The following MYO18B variants were observed in gnomAD, a reference collection of about 807,000 sequenced individuals.
MYO18B encodes unconventional myosin-XVIIIb.
MYO18B carries 204 observed loss-of-function variants against 273.0 expected under a neutral mutation model. The ratio of observed to expected loss-of-function variants is 0.75; its 90% CI spans 0.67 to 0.84. MYO18B has a LOEUF of 0.84. Among genes scored for constraint, MYO18B ranks in the 40% least tolerant of loss-of-function variants. The pLI, the probability that MYO18B is intolerant of heterozygous loss-of-function variation, is 0.00. For missense variants in MYO18B, 3,212 were observed against 3,287.6 expected, an observed-to-expected ratio of 0.98 and a Z score of 0.56; for synonymous variants, 1,330 against 1,305.7, an observed-to-expected ratio of 1.02 and a Z score of -0.40.
At chr22:25,982,084 A>G (rs2093154600) in intron 39 of MYO18B, among the ~76,000 whole-genome samples, 1 of 152,122 alleles carries the variant, frequency 6.6e-6, no homozygotes, top group Admixed American at 6.5e-5. Context: ...GTGCTACCAG[A>G]TCTTATGAGA....
chr22:25,755,702 C>A (rs777395999), intron 1 of MYO18B, among the ~76,000 whole-genome samples: 1 of 152,164 alleles, frequency 6.6e-6, no homozygotes, highest in African/African-American at 2.4e-5. Context: ...TATTTGTTCA[C>A]GGGACAGCTG....
intron 39 of MYO18B, among the ~76,000 whole-genome samples, chr22:25,977,285 CTGTATT>C (rs55633196): frequency 0.067 from 9,588 of 143,898 alleles, 464 homozygotes; most frequent in African/African-American, 0.13. Context: ...TTTCCAACTC[CTGTATT>C]TGTATTTGTA....
rs374325530 is a variant in MYO18B, at chr22:25,992,372, G to A, written c.6166G>A (p.Val2056Met). Residue 2056 changes from valine (V) to methionine (M), a missense_variant, in exon 40 of 44, where the codon GTG becomes ATG. Coordinates refer to ENST00000335473, the MANE Select transcript of MYO18B (RefSeq NM_032608.7). ...CATCTTCTGTCCCCAGGAGAAGTAC[G>A]TGGAGGAACTTGCAGCAGTGAGGCA... is the stretch of plus-strand genomic sequence containing the variant. ...SRRCMELEKY[V>M]EELAAVRQTL... is the part of the protein sequence containing the mutation. 62 of 1,613,876 alleles carry A rather than the reference G, an allele frequency of 3.8e-5. No homozygotes were observed. Among genetic ancestry groups the A allele is most frequent in the Non-Finnish European group, 4.3e-5 (51 of 1,179,856 alleles).
intron 39 of MYO18B, among the ~76,000 whole-genome samples, chr22:25,991,833 T>C (rs993003580): frequency 1.3e-5 from 2 of 152,224 alleles, no homozygotes; most frequent in African/African-American, 2.4e-5. Context: ...TTGCCTGTTC[T>C]GGAGGGAGCC....
rs756559353 is a variant in MYO18B, at chr22:25,992,454, C to T, written c.6248C>T (p.Ala2083Val). The change falls in exon 40 of 44, where the codon GCC (alanine) becomes GTC (valine). Residue 2083 changes from alanine (A) to valine (V), a missense_variant. Physicochemically the swap from Ala to Val is moderately conservative, Grantham distance 64. Transcript: ENST00000335473. ...SIRRIADLQAALEEVASSDSD... is the reference protein window; with the variant it reads ...SIRRIADLQAVLEEVASSDSD... ...CGGCGGATTGCCGACCTGCAGGCTG[C>T]CTTGGAAGAAGTGGCATCCAGTGAC... 5 of 1,613,962 alleles carry T rather than the reference C, an allele frequency of 3.1e-6. No individual in the cohort carries two copies. In the East Asian group the frequency reaches 1.1e-4, roughly 36 times the overall value.
chr22:25,960,263 C>T (rs897385612), intron 39 of MYO18B, among the ~76,000 whole-genome samples: 3 of 152,078 alleles, frequency 2.0e-5, no homozygotes, highest in Non-Finnish European at 2.9e-5. Flanking sequence ...GTCATTAGAG[C>T]GATGAAGCAA....
rs552462614 is a variant in MYO18B at position 25,761,008 on chromosome 22, G to C, written c.-85G>C. ...GTTCTGTGTCCATCTCATGTGCTGC[G>C]TGTGTCTGTAAAGCCTCATTCCGTG... is the stretch of plus-strand genomic sequence containing the variant. On this transcript the variant is annotated 5_prime_UTR_variant, in exon 2 of 44. Coordinates refer to ENST00000335473, the MANE Select transcript of MYO18B (RefSeq NM_032608.7). 3 of 1,418,818 alleles carry C rather than the reference G, an allele frequency of 2.1e-6. No homozygotes were observed. Among genetic ancestry groups the C allele is most frequent in the Non-Finnish European group, 3.0e-6 (3 of 1,007,000 alleles). The allele number at this position is 1,418,818 out of a possible 1,614,324, so 87.9% of individuals were successfully genotyped here. A position where few individuals can be genotyped will look rare whatever the true frequency, so the allele number is the denominator to read the frequency against.
At chr22:26,001,347 C>T (rs1389435978) in intron 40 of MYO18B, among the ~76,000 whole-genome samples, 1 of 152,178 alleles carries the variant, frequency 6.6e-6, no homozygotes, top group African/African-American at 2.4e-5. Flanking sequence ...ATAGATGGCG[C>T]AGCACCTAGG....
chr22:25,921,738 G>A (rs1307972503), intron 34 of MYO18B, among the ~76,000 whole-genome samples: 1 of 140,434 alleles, frequency 7.1e-6, no homozygotes, highest in Non-Finnish European at 1.5e-5. Context: ...GTGTGTGTGT[G>A]TGTATGTGTA....
chr22:26,057,798 C>T, the MYO18B span, among the ~76,000 whole-genome samples: 1 of 152,154 alleles, frequency 6.6e-6, no homozygotes, highest in African/African-American at 2.4e-5. Flanking sequence ...AGCAGTAACA[C>T]TAATTTTAAA....
Position 25,911,047 on chromosome 22 carries a change from C to G in MYO18B, c.5361C>G (p.Asp1787Glu). ...AAGGCTTGATCGGAACCCTCTGTGA[C>G]CAGGTAAGGGGGAGACATTGGCAGA... ...DLEGLIGTLC[D>E]QIGHRDFDVE... is the part of the protein sequence containing the mutation. The change falls in exon 33 of 44, where the codon GAC becomes GAG. Residue 1787 changes from aspartate to glutamate, a missense_variant. Transcript: ENST00000335473. 6.3e-7 allele frequency: 1 copy of G among 1,599,032 alleles called. No individual in the cohort carries two copies. The highest frequency in any genetic ancestry group is 8.5e-7 in the Non-Finnish European group (1 of 1,172,262).
In MYO18B at chr22:25,997,320, A is replaced by AAAC. The variant is rs1555984586; in HGVS notation, c.6287+4829_6287+4830insCAA. Among the ~76,000 whole-genome samples the AAAC allele has an allele frequency of 2.0e-3, 301 of 150,024 alleles. 10 individuals are homozygous for AAAC. Among genetic ancestry groups the AAAC allele is most frequent in the African/African-American group, 6.9e-3 (280 of 40,320 alleles). ...ACTCTGTCGCCAAAAAAAAAAAAAA[A>AAAC]AAAAAAAAAACGAAGGAAAAAAGAA... On this transcript the variant is annotated intron_variant, in intron 40 of 43. Transcript: ENST00000335473.
chr22:25,912,190 G>A (rs1003942759), intron 33 of MYO18B, among the ~76,000 whole-genome samples: 3 of 152,172 alleles, frequency 2.0e-5, no homozygotes, highest in African/African-American at 4.8e-5. Flanking sequence ...AGGGACACAC[G>A]CGGCAAGAGT....
intron 18 of MYO18B, among the ~76,000 whole-genome samples, chr22:25,845,631 C>A (rs545797712): frequency 1.3e-5 from 2 of 152,326 alleles, no homozygotes; most frequent in South Asian, 4.1e-4. Flanking sequence ...AGGTATCAGG[C>A]TGGGTATTTA....
At chr22:25,914,841 C>T (rs781084370) in intron 33 of MYO18B, among the ~76,000 whole-genome samples, 1 of 151,402 alleles carries the variant, frequency 6.6e-6, no homozygotes, top group South Asian at 2.1e-4. Flanking sequence ...GGACTACAGG[C>T]GCCTGCCACC....
intron 4 of MYO18B, 105 bp from the exon 5 acceptor site, chr22:25,770,005 C>G (rs1601639156): frequency 8.6e-7 from 1 of 1,165,340 alleles, no homozygotes; most frequent in Non-Finnish European, 1.3e-6. Context: ...CCAGGAGATT[C>G]TGGTTTAGAT....
At chr22:26,048,453 G>T in the MYO18B span, among the ~76,000 whole-genome samples, 1 of 152,056 alleles carries the variant, frequency 6.6e-6, no homozygotes, top group Admixed American at 6.6e-5. Context: ...GACCTCTGGG[G>T]AATTCTGAGG....
intron 21 of MYO18B, among the ~76,000 whole-genome samples, chr22:25,855,825 C>CTTTTTTTTTTTTTTT (rs59922626): frequency 7.1e-6 from 1 of 141,802 alleles, no homozygotes. Context: ...TACTTTCTTT[C>CTTTTTTTTTTTTTTT]TTTTTTTTTT....
the MYO18B span, among the ~76,000 whole-genome samples, chr22:26,055,283 T>G: frequency 6.6e-6 from 1 of 152,188 alleles, no homozygotes; most frequent in South Asian, 2.1e-4. Context: ...CCCTTGTTAC[T>G]TGGGGAGAAA....
Sources: gnomAD v4.1 joint callset for allele counts (sites outside exome capture counted in the v4.1 genomes callset) on GRCh38, gnomAD v4.1.1 for gene constraint, MANE v1.5 for transcripts, NCBI Gene and HGNC (gene_info 2026-07-23, HGNC 2026-07-21) for gene names.